Variants in PTPDC1 observed in about 807,000 individuals in gnomAD.
PTPDC1 encodes protein tyrosine phosphatase domain-containing protein 1.
A neutral mutation model predicts 75.3 loss-of-function variants in PTPDC1; 53 were observed. The observed-to-expected ratio is 0.70, with a 90% CI of 0.56 to 0.88. PTPDC1 has a LOEUF of 0.88. Among genes scored for constraint, PTPDC1 ranks in the 40% least tolerant of loss-of-function variants. The pLI, the probability that PTPDC1 is intolerant of heterozygous loss-of-function variation, is 0.00. For missense variants in PTPDC1, 925 were observed against 998.6 expected (o/e 0.93, Z 0.99); for synonymous variants, 349 against 366.2 (o/e 0.95, Z 0.54).
intron 1 of PTPDC1, among the ~76,000 whole-genome samples, chr9:94,049,753 G>C (rs1164114010): frequency 6.6e-6 from 1 of 152,180 alleles, no homozygotes; most frequent in Non-Finnish European, 1.5e-5. Context: ...GAATTTGAAT[G>C]TTGGCCTGCC....
Position 94,049,450 on chromosome 9 carries a change from T to C in PTPDC1, c.-6-15284T>C, listed in dbSNP as rs192525271. On this transcript the variant is annotated intron_variant, in intron 1 of 9. Coordinates refer to the PTPDC1 transcript ENST00000375360. ...TGAGCATTTGCTTGTCTGTAAAGTATTTTATTTCTCCTTCACTTATGAAGC... is the reference window on the plus strand; with the variant it reads ...TGAGCATTTGCTTGTCTGTAAAGTACTTTATTTCTCCTTCACTTATGAAGC... 4.8e-3 allele frequency among the ~76,000 whole-genome samples: 730 copies of C among 152,302 alleles called. 4 individuals are homozygous for C. Among genetic ancestry groups the C allele is most frequent in the Non-Finnish European group, 8.1e-3 (553 of 68,014 alleles).
chr9:94,064,949 T>C, intron 2 of PTPDC1: 1 of 664,700 alleles, frequency 1.5e-6, no homozygotes, highest in Non-Finnish European at 2.6e-6. Context: ...CAAGTATTAC[T>C]TACTGCCTTA....
chr9:94,032,382 G>A (rs989786879), intron 1 of PTPDC1, among the ~76,000 whole-genome samples: 2 of 152,188 alleles, frequency 1.3e-5, no homozygotes, highest in African/African-American at 2.4e-5. Flanking sequence ...AATTGTTCTA[G>A]TCTAATTTCC....
At chr9:94,030,990 A>C (rs573587769) in exon 1 of PTPDC1, 3 of 152,074 alleles carry the variant, frequency 2.0e-5, no homozygotes, top group Non-Finnish European at 4.4e-5. Context: ...CGGGCCCGCT[A>C]CCCACAGACC....
chr9:94,034,245 T>C (rs915272674), intron 1 of PTPDC1, among the ~76,000 whole-genome samples: 1 of 152,098 alleles, frequency 6.6e-6, no homozygotes, highest in African/African-American at 2.4e-5. Context: ...AAATGGGAGA[T>C]TTGTGGCCAA....
At position 94,057,317 on chromosome 9, in the gene PTPDC1, C is replaced by T. The variant is rs1469883478; in HGVS notation, c.-6-7417C>T. Among the ~76,000 whole-genome samples the T allele has an allele frequency of 3.9e-5, 6 of 152,154 alleles. No individual in the cohort carries two copies. In the South Asian group the frequency reaches 1.0e-3, roughly 26 times the overall value. Reference sequence around the variant, plus strand: ...CAAACTGGTTTTGAACTCCTGGGCTCAAACGATCTGCCCACCTCAGCTTCC... The same window carrying T: ...CAAACTGGTTTTGAACTCCTGGGCTTAAACGATCTGCCCACCTCAGCTTCC... On this transcript the variant is annotated intron_variant, in intron 1 of 9. Transcript: ENST00000375360.
upstream of PTPDC1, among the ~76,000 whole-genome samples, chr9:94,083,839 G>A (rs776870030): frequency 2.0e-5 from 3 of 152,208 alleles, no homozygotes; most frequent in Non-Finnish European, 4.4e-5. Context: ...GCATAACTAA[G>A]AATTGGGTTT....
chr9:94,051,766 A>C (rs924391100), intron 1 of PTPDC1, among the ~76,000 whole-genome samples: 1 of 152,190 alleles, frequency 6.6e-6, no homozygotes, highest in Non-Finnish European at 1.5e-5. Flanking sequence ...ATTTACTCAT[A>C]GTATTCCTTT....
At chr9:94,084,825 T>C in intron 1 of PTPDC1, 51 bp downstream of exon 1, 3 of 1,285,872 alleles carry the variant, frequency 2.3e-6, no homozygotes, top group Non-Finnish European at 3.2e-6. Context: ...GTTTGAGGAA[T>C]GGGAATCAGC....
At chr9:94,051,055 A>G (rs1383358148) in intron 1 of PTPDC1, among the ~76,000 whole-genome samples, 1 of 152,106 alleles carries the variant, frequency 6.6e-6, no homozygotes, top group African/African-American at 2.4e-5. Context: ...TGCTAAGACC[A>G]TTGGAAAAGT....
intron 1 of PTPDC1, among the ~76,000 whole-genome samples, chr9:94,047,338 A>G (rs1825637079): frequency 6.6e-6 from 1 of 152,178 alleles, no homozygotes; most frequent in East Asian, 1.9e-4. Flanking sequence ...AGCCTTTGGT[A>G]TCAAGATGAT....
intron 1 of PTPDC1, among the ~76,000 whole-genome samples, chr9:94,032,404 A>T (rs144291927): frequency 6.6e-6 from 1 of 152,168 alleles, no homozygotes; most frequent in East Asian, 1.9e-4. Context: ...ACCCAATCCC[A>T]AAGTCTTCGT....
intron 6 of PTPDC1, among the ~76,000 whole-genome samples, chr9:94,099,752 A>G (rs765755415): frequency 2.6e-5 from 4 of 152,234 alleles, no homozygotes; most frequent in African/African-American, 4.8e-5. Flanking sequence ...AGAGTCTTCT[A>G]TTTTAGATGA....
intron 3 of PTPDC1, 36 bp from the exon 4 acceptor site, chr9:94,088,109 G>T (rs200410457): frequency 8.2e-6 from 13 of 1,591,838 alleles, no homozygotes; most frequent in Non-Finnish European, 1.7e-6. Flanking sequence ...TTAAATGCTA[G>T]CTCCCAATAT....
intron 6 of PTPDC1, chr9:94,100,256 A>C (rs1827790655): frequency 6.6e-6 from 1 of 152,300 alleles, no homozygotes; most frequent in Non-Finnish European, 1.5e-5. Context: ...TGTGTTTAAC[A>C]CTTTCCATTA....
chr9:94,066,159 C>T (rs766772764), intron 2 of PTPDC1, among the ~76,000 whole-genome samples: 2 of 152,056 alleles, frequency 1.3e-5, no homozygotes, highest in African/African-American at 2.4e-5. Flanking sequence ...TGAAAAAACC[C>T]GGCATATTTC....
intron 1 of PTPDC1, among the ~76,000 whole-genome samples, chr9:94,063,523 G>A (rs1402761070): frequency 3.3e-5 from 5 of 152,084 alleles, no homozygotes; most frequent in Admixed American, 6.6e-5. Context: ...ATTTCAGGAA[G>A]CATTCTTTTT....
At position 94,104,348 on chromosome 9, in the gene PTPDC1, A is replaced by G; in HGVS notation, c.2273A>G (p.Glu758Gly). The G allele has an allele frequency of 6.2e-7, 1 of 1,613,822 alleles. No individual in the cohort carries two copies. The highest frequency in any genetic ancestry group is 8.5e-7 in the Non-Finnish European group (1 of 1,179,794). ...CAGACAATTCCCGTGGATGTGGAGG[A>G]AGCTTTCCTTGCCCATGCCATTAAG... ...NLQTIPVDVE[E>G]AFLAHAIKAF... is the part of the protein sequence containing the mutation. The change falls in exon 8 of 9, where the codon GAA becomes GGA. Residue 758 changes from glutamate (E) to glycine (G), a missense_variant. By Grantham distance (98) the Glu-to-Gly change is moderately conservative. Coordinates refer to ENST00000620992, the MANE Select transcript of PTPDC1 (RefSeq NM_001253829.2).
At chr9:94,062,611 G>A (rs969536810) in intron 1 of PTPDC1, among the ~76,000 whole-genome samples, 1 of 152,202 alleles carries the variant, frequency 6.6e-6, no homozygotes, top group Non-Finnish European at 1.5e-5. Context: ...CAAAGTGGGA[G>A]CAGGAGCAGG....
Sources: allele counts gnomAD v4.1 joint callset (sites outside exome capture counted in the v4.1 genomes callset), GRCh38; gene constraint gnomAD v4.1.1; transcripts MANE v1.5; gene names NCBI Gene and HGNC (gene_info 2026-07-23, HGNC 2026-07-21).